SLC19A1: variants seen among roughly 807,000 people sequenced by gnomAD.
SLC19A1 encodes solute carrier family 19 member 1.
SLC19A1 carries 37 observed loss-of-function variants against 35.3 expected under a neutral mutation model. The ratio of observed to expected loss-of-function variants is 1.05; its 90% CI spans 0.81 to 1.38. The LOEUF is 1.38. Among genes scored for constraint, SLC19A1 ranks in the 40% most tolerant of loss-of-function variants. The pLI is 0.00. For missense variants in SLC19A1, 831 were observed against 826.9 expected, an observed-to-expected ratio of 1.00 and a Z score of -0.06; for synonymous variants, 460 against 398.5, an observed-to-expected ratio of 1.15 and a Z score of -1.84.
intron 1 of SLC19A1, among the ~76,000 whole-genome samples, chr21:45,559,377 GACAA>G (rs2078593875): frequency 6.6e-6 from 1 of 152,170 alleles, no homozygotes; most frequent in South Asian, 2.1e-4. Flanking sequence ...CCGACAAGGA[GACAA>G]ACACACACAC....
In SLC19A1 at chr21:45,527,384, G is replaced by T. The variant is rs1259459895; in HGVS notation, c.1152-1426C>A. Reference sequence around the variant, plus strand: ...GCAGGGCAGGCCCTGGAGGTGAGTGGCAGCAGGTTAGGACGGGCCCTGGAG... The same window carrying T: ...GCAGGGCAGGCCCTGGAGGTGAGTGTCAGCAGGTTAGGACGGGCCCTGGAG... On this transcript the variant is annotated intron_variant, in intron 4 of 5. Coordinates refer to ENST00000311124, the MANE Select transcript of SLC19A1 (RefSeq NM_194255.4). 4.0e-5 allele frequency among the ~76,000 whole-genome samples: 6 copies of T among 149,474 alleles called. No homozygotes were observed. The East Asian group carries it at 1.2e-3, about 30-fold the overall frequency.
upstream of SLC19A1, among the ~76,000 whole-genome samples, chr21:45,542,946 G>A (rs1490820454): frequency 6.6e-6 from 1 of 151,970 alleles, no homozygotes; most frequent in Non-Finnish European, 1.5e-5. Flanking sequence ...CCGCCTTCGT[G>A]GGGCTCCAAC....
upstream of SLC19A1, among the ~76,000 whole-genome samples, chr21:45,542,818 C>G (rs1040106901): frequency 4.0e-5 from 6 of 151,812 alleles, no homozygotes; most frequent in African/African-American, 9.7e-5. Context: ...CCTGACCCCC[C>G]CTCCTCGACG....
chr21:45,535,326 A>C (rs563389079), intron 2 of SLC19A1, among the ~76,000 whole-genome samples: 1 of 152,294 alleles, frequency 6.6e-6, no homozygotes, highest in East Asian at 1.9e-4. Flanking sequence ...CCCTGGAGGG[A>C]AATTTGGCCA....
intron 1 of SLC19A1, among the ~76,000 whole-genome samples, chr21:45,557,933 C>T (rs1306066394): frequency 1.3e-5 from 2 of 152,240 alleles, no homozygotes; most frequent in South Asian, 2.1e-4. Flanking sequence ...CCTTTGCCTC[C>T]TGCGTGTCTG....
chr21:45,506,706 T>C (rs2037221031), intron 3 of SLC19A1: 3 of 164,156 alleles, frequency 1.8e-5, no homozygotes, highest in Admixed American at 5.6e-5. Flanking sequence ...CCCTGACTCC[T>C]GGAGCCCTCC....
chr21:45,525,797 C>G lies in SLC19A1; in HGVS notation c.1293+20G>C, dbSNP rs1452887093. 6.2e-7 allele frequency: 1 copy of G among 1,611,796 alleles called. No homozygotes were observed. Among genetic ancestry groups the G allele is most frequent in the South Asian group, 1.1e-5 (1 of 91,016 alleles). On this transcript the variant is annotated intron_variant, in intron 5 of 5. Transcript: ENST00000311124. ...CAAGTAGCTTCCATCCCCGAGGACGCAGGCCTGAAATGGGCTCACCTGCTT... is the reference window on the plus strand; with the variant it reads ...CAAGTAGCTTCCATCCCCGAGGACGGAGGCCTGAAATGGGCTCACCTGCTT...
chr21:45,557,183 C>T (rs1175483387), intron 1 of SLC19A1, among the ~76,000 whole-genome samples: 2 of 152,186 alleles, frequency 1.3e-5, no homozygotes, highest in Admixed American at 1.3e-4. Context: ...GAGGCTGGGC[C>T]CTGGGGCTGC....
Position 45,506,353 on chromosome 21 carries a change from G to C in SLC19A1, c.498-7741C>G, listed in dbSNP as rs2037204696. 3 of 355,018 alleles carry C rather than the reference G, an allele frequency of 8.5e-6. No individual in the cohort carries two copies. The Admixed American group carries it at 1.2e-4, about 14-fold the overall frequency. The allele number at this position is 355,018 out of a possible 1,614,324, so 22.0% of individuals were successfully genotyped here. On this transcript the variant is annotated intron_variant, in intron 3 of 4. Transcript: ENST00000417954. ...GACGTCCACAGCACGGCCCCGGCTGGGGGGCAGGCTGTCCCGTGGCTCTGC... is the reference window on the plus strand; with the variant it reads ...GACGTCCACAGCACGGCCCCGGCTGCGGGGCAGGCTGTCCCGTGGCTCTGC...
In SLC19A1 at chr21:45,515,732, C is replaced by G. The variant is rs748394202; in HGVS notation, c.1702G>C (p.Val568Leu). 1.1e-5 allele frequency: 18 copies of G among 1,613,842 alleles called. No individual in the cohort carries two copies. Among genetic ancestry groups the G allele is most frequent in the Non-Finnish European group, 1.5e-5 (18 of 1,180,022 alleles). ...AGCTTGCTGACACCAGGAGGATGGA[C>G]AGCCAGCTGGGGACAAGTCTCATCT... Reference protein sequence around the residue: ...AADETCPQLAVHPPGVSKLGL... With the variant: ...AADETCPQLALHPPGVSKLGL... Residue 568 changes from valine (V) to leucine (L), a missense_variant, in exon 6 of 6, where the codon GTC (valine) becomes CTC (leucine). Val to Leu is a conservative substitution (Grantham distance 32). Transcript: ENST00000311124.
intron 1 of SLC19A1, among the ~76,000 whole-genome samples, chr21:45,551,507 G>A (rs1302347743): frequency 6.6e-6 from 1 of 152,174 alleles, no homozygotes; most frequent in African/African-American, 2.4e-5. Flanking sequence ...CCTCTACGTA[G>A]GACGTGATTT....
intron 3 of SLC19A1, chr21:45,504,544 C>T (rs1346766289): frequency 6.3e-7 from 1 of 1,575,868 alleles, no homozygotes; most frequent in Non-Finnish European, 8.6e-7. Context: ...CACGTGGCTA[C>T]CCTGGGATTC....
rs934697065 is a variant in SLC19A1 at position 45,534,105 on chromosome 21, C to G, written c.190-1957G>C. ...GTCCTGCTCAGGACATTCCGGGACA[C>G]TCTGAGGGCAGGTTATGTGCCAGGA... On this transcript the variant is annotated intron_variant, in intron 2 of 5. Transcript: ENST00000311124. The surrounding 1 kb of genome is among the most constrained non-coding windows in gnomAD (Gnocchi z 4.2). Among the ~76,000 whole-genome samples the G allele has an allele frequency of 2.0e-5, 3 of 152,194 alleles. No individual in the cohort carries two copies. Among genetic ancestry groups the G allele is most frequent in the African/African-American group, 7.2e-5 (3 of 41,446 alleles).
chr21:45,558,958 A>T lies in SLC19A1; in HGVS notation c.-50+3784T>A, dbSNP rs568134786. On this transcript the variant is annotated intron_variant, in intron 1 of 5. Transcript: ENST00000650808. ...CAAGTAGCTGGGATTACAGGTGCAC[A>T]CCACCACGCCCAGCTAATTTTTGTA... 3.9e-3 allele frequency among the ~76,000 whole-genome samples: 595 copies of T among 151,736 alleles called. 4 individuals are homozygous for T. Among genetic ancestry groups the T allele is most frequent in the African/African-American group, 0.013 (556 of 41,376 alleles).
chr21:45,510,282 G>A, downstream of SLC19A1: 1 of 1,584,654 alleles, frequency 6.3e-7, no homozygotes, highest in Non-Finnish European at 8.6e-7. Flanking sequence ...CCAGTCCTGA[G>A]GGCGCGGGCT....
chr21:45,535,190 G>C (rs1056594811), intron 2 of SLC19A1, among the ~76,000 whole-genome samples: 1 of 152,228 alleles, frequency 6.6e-6, no homozygotes, highest in Non-Finnish European at 1.5e-5. Flanking sequence ...CCTGGAGGAG[G>C]GCGGGGGCTG....
downstream of SLC19A1, chr21:45,512,480 C>A: frequency 7.3e-7 from 1 of 1,370,206 alleles, no homozygotes; most frequent in South Asian, 1.2e-5. Context: ...GCCGGCCAGC[C>A]CCTGGCCCCA....
intron 1 of SLC19A1, among the ~76,000 whole-genome samples, chr21:45,538,828 C>T (rs375147046): frequency 6.6e-6 from 1 of 152,200 alleles, no homozygotes; most frequent in Non-Finnish European, 1.5e-5. Context: ...CCCCAGACCA[C>T]AGGACTTCAT....
chr21:45,530,672 C>T lies in SLC19A1; in HGVS notation c.1151+98G>A, dbSNP rs1049892394. Reference sequence around the variant, plus strand: ...GCTGGCGGGGCCAGCAGTGGCACAGCCGCTGGGGCGCAGCAGGAAGGTGGG... The same window carrying T: ...GCTGGCGGGGCCAGCAGTGGCACAGTCGCTGGGGCGCAGCAGGAAGGTGGG... On this transcript the variant is annotated intron_variant, in intron 4 of 5. Transcript: ENST00000311124. This position sits in a 1 kb window ranked among gnomAD's most constrained non-coding sequence, Gnocchi z 5.3. 7.7e-7 allele frequency: 1 copy of T among 1,307,110 alleles called. No homozygotes were observed. 81.0% of individuals were successfully genotyped at this position (1,307,110 alleles called of 1,614,324 possible). A position where few individuals can be genotyped will look rare whatever the true frequency, so the allele number is the denominator to read the frequency against.
Sources: allele counts gnomAD v4.1 joint callset (sites outside exome capture counted in the v4.1 genomes callset), GRCh38; gene constraint gnomAD v4.1.1; non-coding constraint Gnocchi (gnomAD v3.1); transcripts MANE v1.5; gene names NCBI Gene and HGNC (gene_info 2026-07-23, HGNC 2026-07-21).